Variants in INAFM2 observed in about 807,000 individuals in gnomAD.
INAFM2 encodes the protein InaF motif containing 2, also known as putative transmembrane protein INAFM2.
Under a neutral mutation model 5.6 loss-of-function variants are expected in INAFM2, and 3 were observed. That is an observed-to-expected ratio of 0.54 (90% CI 0.24 to 1.39). INAFM2 has a LOEUF of 1.39. INAFM2 is among the 40% of genes most tolerant of loss of function. The pLI is 0.16. For synonymous variants in INAFM2, 113 were observed against 109.1 expected, an observed-to-expected ratio of 1.04 and a Z score of -0.22; for missense variants, 186 against 217.5, an observed-to-expected ratio of 0.86 and a Z score of 0.91.
At position 40,325,767 on chromosome 15, in the gene INAFM2, T is replaced by G. The variant is rs1424308721; in HGVS notation, c.*1250T>G. 4 of 152,356 alleles carry G rather than the reference T, an allele frequency of 2.6e-5. No individual in the cohort carries two copies. Among genetic ancestry groups the G allele is most frequent in the African/African-American group, 9.6e-5 (4 of 41,588 alleles). 9.4% of individuals were successfully genotyped at this position (152,356 alleles called of 1,614,324 possible). A position where few individuals can be genotyped will look rare whatever the true frequency, so the allele number is the denominator to read the frequency against. ...CCAGCCGAGGGAAGGTTGAATTGGC[T>G]GTCTTTACTTTTCCCGATAAGCCCT... On this transcript the variant is annotated 3_prime_UTR_variant, in exon 1 of 1. Coordinates refer to ENST00000638170, the MANE Select transcript of INAFM2 (RefSeq NM_001301268.2).
In INAFM2 at chr15:40,324,686, C is replaced by T; in HGVS notation, c.*169C>T. 1 of 442,282 alleles carries T rather than the reference C, an allele frequency of 2.3e-6. No individual in the cohort carries two copies. Among genetic ancestry groups the T allele is most frequent in the Non-Finnish European group, 3.7e-6 (1 of 272,742 alleles). 27.4% of individuals were successfully genotyped at this position (442,282 alleles called of 1,614,324 possible). A position where few individuals can be genotyped will look rare whatever the true frequency, so the allele number is the denominator to read the frequency against. On this transcript the variant is annotated 3_prime_UTR_variant, in exon 1 of 1. Coordinates refer to ENST00000638170, the MANE Select transcript of INAFM2 (RefSeq NM_001301268.2). ...CGGAGCGGGAGGCCCGCAGCCAGAT[C>T]TTCAGCCAAGGGACCACGATTCGCC...
rs1198505753 is a variant in INAFM2 at position 40,325,478 on chromosome 15, A to G, written c.*961A>G. On this transcript the variant is annotated 3_prime_UTR_variant, in exon 1 of 1. Coordinates refer to ENST00000638170, the MANE Select transcript of INAFM2 (RefSeq NM_001301268.2). ...CCCCTCACAGAATTCTTTTAGGAAG[A>G]GCAAGCTTTTGTAAGTAGAGTGGCA... is the stretch of plus-strand genomic sequence containing the variant. 1 of 152,034 alleles carries G rather than the reference A, an allele frequency of 6.6e-6. No individual in the cohort carries two copies. The highest frequency in any genetic ancestry group is 1.9e-4 in the East Asian group (1 of 5,200). 9.4% of individuals were successfully genotyped at this position (152,034 alleles called of 1,614,324 possible). A position where few individuals can be genotyped will look rare whatever the true frequency, so the allele number is the denominator to read the frequency against.
chr15:40,324,103 C>G lies in INAFM2; in HGVS notation c.48C>G (p.Thr16=), dbSNP rs1350528507. 8 of 1,229,616 alleles carry G rather than the reference C, an allele frequency of 6.5e-6. No individual in the cohort carries two copies. The highest frequency in any genetic ancestry group is 8.1e-6 in the Non-Finnish European group (8 of 986,776). The allele number at this position is 1,229,616 out of a possible 1,614,324, so 76.2% of individuals were successfully genotyped here. Residue 16 remains threonine (T), a synonymous_variant, in exon 1 of 1, where the codon ACC becomes ACG. Transcript: ENST00000638170. ...AAPAERGKPA[T]YTGDKKAKMA... ...CGGCCGAGCGGGGCAAGCCGGCCACCTACACCGGGGACAAGAAGGCGAAGA... is the reference window on the plus strand; with the variant it reads ...CGGCCGAGCGGGGCAAGCCGGCCACGTACACCGGGGACAAGAAGGCGAAGA...
chr15:40,324,160 G>A lies in INAFM2; in HGVS notation c.105G>A (p.Arg35=), dbSNP rs1217043641. ...CCAAGACCAACAAGAAGTGGGTCCG[G>A]CTCGCCACCGTGTTCGCCTACGTGC... ...MAAKTNKKWV[R]LATVFAYVLS... Residue 35 remains arginine (R), a synonymous_variant, in exon 1 of 1, where the codon CGG becomes CGA. Transcript: ENST00000638170. The A allele has an allele frequency of 4.1e-6, 5 of 1,229,176 alleles. No individual in the cohort carries two copies. Among genetic ancestry groups the A allele is most frequent in the Admixed American group, 8.5e-5 (2 of 23,590 alleles). 76.1% of individuals were successfully genotyped at this position (1,229,176 alleles called of 1,614,324 possible).
Position 40,324,055 on chromosome 15 carries a change from C to G in INAFM2, c.-1C>G. 5 of 1,228,282 alleles carry G rather than the reference C, an allele frequency of 4.1e-6. No homozygotes were observed. Among genetic ancestry groups the G allele is most frequent in the Non-Finnish European group, 5.1e-6 (5 of 985,836 alleles). 76.1% of individuals were successfully genotyped at this position (1,228,282 alleles called of 1,614,324 possible). On this transcript the variant is annotated 5_prime_UTR_variant, in exon 1 of 1. Coordinates refer to ENST00000638170, the MANE Select transcript of INAFM2 (RefSeq NM_001301268.2). ...ACCGGGGCAAAGGCCGGGGCCCCCC[C>G]ATGAAGGAGCGCGACGCGGCCCCGG... is the stretch of plus-strand genomic sequence containing the variant.
At position 40,324,408 on chromosome 15, in the gene INAFM2, C is replaced by T. The variant is rs1888750161; in HGVS notation, c.353C>T (p.Pro118Leu). 7.4e-6 allele frequency: 9 copies of T among 1,222,814 alleles called. No individual in the cohort carries two copies. The South Asian group carries it at 2.5e-4, about 34-fold the overall frequency. The allele number at this position is 1,222,814 out of a possible 1,614,324, so 75.7% of individuals were successfully genotyped here. Residue 118 changes from proline (P) to leucine (L), a missense_variant, in exon 1 of 1, where the codon CCG (proline) becomes CTG (leucine). Physicochemically the swap from Pro to Leu is moderately conservative, Grantham distance 98. Coordinates refer to ENST00000638170, the MANE Select transcript of INAFM2 (RefSeq NM_001301268.2). ...RDVPPLQAAR[P>L]APPEPPADSP... ...GTTCCCCCACTGCAGGCGGCGCGAC[C>T]GGCGCCTCCGGAGCCCCCTGCGGAC...
At position 40,324,377 on chromosome 15, in the gene INAFM2, C is replaced by T. The variant is rs1888749252; in HGVS notation, c.322C>T (p.Arg108Cys). The part of the protein sequence containing the change: ...TTGSSRREAP[R>C]DVPPLQAARP... ...TGGGTCGTCCCGCCGCGAGGCGCCGCGCGACGTTCCCCCACTGCAGGCGGC... is the reference window on the plus strand; with the variant it reads ...TGGGTCGTCCCGCCGCGAGGCGCCGTGCGACGTTCCCCCACTGCAGGCGGC... Residue 108 changes from arginine (R) to cysteine (C), a missense_variant, in exon 1 of 1, where the codon CGC becomes TGC. Arg to Cys is a radical substitution (Grantham distance 180). Coordinates refer to ENST00000638170, the MANE Select transcript of INAFM2 (RefSeq NM_001301268.2). 8.2e-7 allele frequency: 1 copy of T among 1,221,802 alleles called. No individual in the cohort carries two copies. Among genetic ancestry groups the T allele is most frequent in the African/African-American group, 1.6e-5 (1 of 63,874 alleles). The allele number at this position is 1,221,802 out of a possible 1,614,324, so 75.7% of individuals were successfully genotyped here.
chr15:40,324,604 G>GGAGTGACCCCCACGA lies in INAFM2; in HGVS notation c.*94_*108dup, dbSNP rs1888756054. ...AGCAGGATGGGGTGGAGAGCCCGCG[G>GGAGTGACCCCCACGA]GAGTGACCCCCACGAGAGTGAACGC... On this transcript the variant is annotated 3_prime_UTR_variant, in exon 1 of 1. Coordinates refer to ENST00000638170, the MANE Select transcript of INAFM2 (RefSeq NM_001301268.2). The GGAGTGACCCCCACGA allele has an allele frequency of 3.1e-6, 3 of 981,442 alleles. No individual in the cohort carries two copies. Among genetic ancestry groups the GGAGTGACCCCCACGA allele is most frequent in the Non-Finnish European group, 3.9e-6 (3 of 763,932 alleles). The allele number at this position is 981,442 out of a possible 1,614,324, so 60.8% of individuals were successfully genotyped here.
In INAFM2 at chr15:40,324,541, G is replaced by C; in HGVS notation, c.*24G>C. 2.5e-6 allele frequency: 3 copies of C among 1,208,684 alleles called. No individual in the cohort carries two copies. Among genetic ancestry groups the C allele is most frequent in the East Asian group, 3.3e-5 (1 of 30,256 alleles). 74.9% of individuals were successfully genotyped at this position (1,208,684 alleles called of 1,614,324 possible). A position where few individuals can be genotyped will look rare whatever the true frequency, so the allele number is the denominator to read the frequency against. ...GAAGCCCTCCGCGCTGGGGGCCGCCGGGAACCATTCTCCCCAAGCCCAGAG... is the reference window on the plus strand; with the variant it reads ...GAAGCCCTCCGCGCTGGGGGCCGCCCGGAACCATTCTCCCCAAGCCCAGAG... On this transcript the variant is annotated 3_prime_UTR_variant, in exon 1 of 1. Transcript: ENST00000638170.
rs1377289988 is a variant in INAFM2 at position 40,326,632 on chromosome 15, T to C, written c.*2115T>C. On this transcript the variant is annotated 3_prime_UTR_variant, in exon 1 of 1. Coordinates refer to ENST00000638170, the MANE Select transcript of INAFM2 (RefSeq NM_001301268.2). ...ATTTATAATTCAGCCATTTAAGATATACCTGTACTCAAAAAGTCCTGTATA... is the reference window on the plus strand; with the variant it reads ...ATTTATAATTCAGCCATTTAAGATACACCTGTACTCAAAAAGTCCTGTATA... 5 of 152,372 alleles carry C rather than the reference T, an allele frequency of 3.3e-5. No individual in the cohort carries two copies. In the East Asian group the frequency reaches 9.6e-4, roughly 29 times the overall value. The allele number at this position is 152,372 out of a possible 1,614,324, so 9.4% of individuals were successfully genotyped here.
chr15:40,324,617 C>T lies in INAFM2; in HGVS notation c.*100C>T. On this transcript the variant is annotated 3_prime_UTR_variant, in exon 1 of 1. Transcript: ENST00000638170. ...GGAGAGCCCGCGGGAGTGACCCCCA[C>T]GAGAGTGAACGCCCCTCACACTCCC... 2 of 818,432 alleles carry T rather than the reference C, an allele frequency of 2.4e-6. No individual in the cohort carries two copies. The highest frequency in any genetic ancestry group is 1.8e-5 in the African/African-American group (1 of 56,200). 50.7% of individuals were successfully genotyped at this position (818,432 alleles called of 1,614,324 possible).
Position 40,324,359 on chromosome 15 carries a change from T to G in INAFM2, c.304T>G (p.Ser102Ala). ...AAAGPNTTGS[S>A]RREAPRDVPP... is the part of the protein sequence containing the mutation. ...GGCGGGGCCCAACACCACTGGGTCG[T>G]CCCGCCGCGAGGCGCCGCGCGACGT... Residue 102 changes from serine to alanine, a missense_variant, in exon 1 of 1, where the codon TCC becomes GCC. Coordinates refer to ENST00000638170, the MANE Select transcript of INAFM2 (RefSeq NM_001301268.2). 8.2e-7 allele frequency: 1 copy of G among 1,223,490 alleles called. No homozygotes were observed. The highest frequency in any genetic ancestry group is 1.0e-6 in the Non-Finnish European group (1 of 982,754). 75.8% of individuals were successfully genotyped at this position (1,223,490 alleles called of 1,614,324 possible).
In INAFM2 at chr15:40,324,301, C is replaced by T; in HGVS notation, c.246C>T (p.Ala82=). ...GCCCGCCCCCCGGCGGCTCCAACGC[C>T]ACTGGCCCGTCTGGGACTTCGGGGG... ...AAGPPPGGSN[A]TGPSGTSGAA... is the part of the protein sequence containing the mutation. Residue 82 remains alanine, a synonymous_variant, in exon 1 of 1, where the codon GCC becomes GCT. Coordinates refer to ENST00000638170, the MANE Select transcript of INAFM2 (RefSeq NM_001301268.2). 1 of 1,228,628 alleles carries T rather than the reference C, an allele frequency of 8.1e-7. No individual in the cohort carries two copies. The highest frequency in any genetic ancestry group is 1.0e-6 in the Non-Finnish European group (1 of 986,060). 76.1% of individuals were successfully genotyped at this position (1,228,628 alleles called of 1,614,324 possible).
At position 40,323,995 on chromosome 15, in the gene INAFM2, G is replaced by T. The variant is rs1165045982; in HGVS notation, c.-61G>T. On this transcript the variant is annotated 5_prime_UTR_variant, in exon 1 of 1. In the 5' UTR this introduces an upstream ATG that the reference lacks. Transcript: ENST00000638170. The surrounding 1 kb of genome is among the most constrained non-coding windows in gnomAD (Gnocchi z 5.6). Reference sequence around the variant, plus strand: ...GGCCGCCCCCTGCCCAGTCCTTGCAGGCCGCCAGGCCCCCTCCAGCCGGGG... The same window carrying T: ...GGCCGCCCCCTGCCCAGTCCTTGCATGCCGCCAGGCCCCCTCCAGCCGGGG... The T allele has an allele frequency of 1.7e-5, 18 of 1,084,364 alleles. No individual in the cohort carries two copies. The highest frequency in any genetic ancestry group is 1.2e-6 in the Non-Finnish European group (1 of 857,916). The allele number at this position is 1,084,364 out of a possible 1,614,324, so 67.2% of individuals were successfully genotyped here.
At position 40,325,312 on chromosome 15, in the gene INAFM2, TGG is replaced by T. The variant is rs3214687; in HGVS notation, c.*798_*799del. ...AGAAGTAGAAACAATTTAGGGAGGG[TGG>T]GGAATGTACTCATCCCCTCTTCTTT... On this transcript the variant is annotated 3_prime_UTR_variant, in exon 1 of 1. Coordinates refer to ENST00000638170, the MANE Select transcript of INAFM2 (RefSeq NM_001301268.2). 6.6e-6 allele frequency: 1 copy of T among 152,022 alleles called. No homozygotes were observed. Among genetic ancestry groups the T allele is most frequent in the Non-Finnish European group, 1.5e-5 (1 of 68,008 alleles). 9.4% of individuals were successfully genotyped at this position (152,022 alleles called of 1,614,324 possible). A position where few individuals can be genotyped will look rare whatever the true frequency, so the allele number is the denominator to read the frequency against.
rs1408275806 is a variant in INAFM2 at position 40,325,076 on chromosome 15, A to AC, written c.*562dup. Reference sequence around the variant, plus strand: ...TAGAATTCTATGTATATCCTCCCACACCCTGGGTAGCTACTGACTGAAGGG... The same window carrying AC: ...TAGAATTCTATGTATATCCTCCCACACCCCTGGGTAGCTACTGACTGAAGGG... On this transcript the variant is annotated 3_prime_UTR_variant, in exon 1 of 1. Coordinates refer to ENST00000638170, the MANE Select transcript of INAFM2 (RefSeq NM_001301268.2). The AC allele has an allele frequency of 6.6e-6, 1 of 152,158 alleles. No homozygotes were observed. The highest frequency in any genetic ancestry group is 6.5e-5 in the Admixed American group (1 of 15,268). 9.4% of individuals were successfully genotyped at this position (152,158 alleles called of 1,614,324 possible). A position where few individuals can be genotyped will look rare whatever the true frequency, so the allele number is the denominator to read the frequency against.
chr15:40,324,699 A>G lies in INAFM2; in HGVS notation c.*182A>G, dbSNP rs964908672. The G allele has an allele frequency of 2.5e-6, 1 of 402,338 alleles. No individual in the cohort carries two copies. The highest frequency in any genetic ancestry group is 4.2e-6 in the Non-Finnish European group (1 of 238,778). The allele number at this position is 402,338 out of a possible 1,614,324, so 24.9% of individuals were successfully genotyped here. A position where few individuals can be genotyped will look rare whatever the true frequency, so the allele number is the denominator to read the frequency against. ...CCGCAGCCAGATCTTCAGCCAAGGG[A>G]CCACGATTCGCCGGGGGGCTGGGGG... On this transcript the variant is annotated 3_prime_UTR_variant, in exon 1 of 1. Transcript: ENST00000638170.
Position 40,324,456 on chromosome 15 carries a change from A to T in INAFM2, c.401A>T (p.Glu134Val). The T allele has an allele frequency of 9.4e-7, 1 of 1,058,470 alleles. No individual in the cohort carries two copies. Among genetic ancestry groups the T allele is most frequent in the Non-Finnish European group, 1.2e-6 (1 of 869,566 alleles). 65.6% of individuals were successfully genotyped at this position (1,058,470 alleles called of 1,614,324 possible). ...GACAGCCCCCCGGCCGGGCCGCTCG[A>T]GCGGCCTCGGGGGCCGGACGAGGAC... is the stretch of plus-strand genomic sequence containing the variant. ...PADSPPAGPL[E>V]RPRGPDEDEE... is the part of the protein sequence containing the mutation. Residue 134 changes from glutamate to valine, a missense_variant, in exon 1 of 1, where the codon GAG (glutamate) becomes GTG (valine). Coordinates refer to ENST00000638170, the MANE Select transcript of INAFM2 (RefSeq NM_001301268.2).
chr15:40,326,599 G>C lies in INAFM2; in HGVS notation c.*2082G>C, dbSNP rs914144264. The stretch of plus-strand genomic sequence containing the variant: ...CCAGCCCTAGCTGTGAACATGACCA[G>C]AGACATTATTTATAATTCAGCCATT... On this transcript the variant is annotated 3_prime_UTR_variant, in exon 1 of 1. Transcript: ENST00000638170. 7 of 152,228 alleles carry C rather than the reference G, an allele frequency of 4.6e-5. No homozygotes were observed. Among genetic ancestry groups the C allele is most frequent in the African/African-American group, 1.7e-4 (7 of 41,456 alleles). The allele number at this position is 152,228 out of a possible 1,614,324, so 9.4% of individuals were successfully genotyped here.
Sources: allele counts gnomAD v4.1 joint callset, GRCh38; gene constraint gnomAD v4.1.1; non-coding constraint Gnocchi (gnomAD v3.1); transcripts MANE v1.5; gene names NCBI Gene and HGNC (gene_info 2026-07-23, HGNC 2026-07-21).